Variants in PDIA6 observed in about 807,000 individuals in gnomAD.
PDIA6 encodes the protein protein disulfide isomerase family A member 6, also known as protein disulfide-isomerase A6.
Under a neutral mutation model 58.4 loss-of-function variants are expected in PDIA6, and 29 were observed. That is an observed-to-expected ratio of 0.50 (90% CI 0.37 to 0.68). The LOEUF is 0.68. Ranked by LOEUF, PDIA6 falls within the 30% of genes least tolerant of loss-of-function variation. PDIA6 has a pLI of 0.00. For synonymous variants in PDIA6, 192 were observed against 202.6 expected, an observed-to-expected ratio of 0.95 and a Z score of 0.44; for missense variants, 480 against 551.0, an observed-to-expected ratio of 0.87 and a Z score of 1.29.
chr2:10,819,242 A>C, intron 2 of PDIA6: 1 of 1,327,182 alleles, frequency 7.5e-7, no homozygotes, highest in Non-Finnish European at 1.1e-6. Context: ...GAACAGATGG[A>C]GGCTCCTACT....
upstream of PDIA6, among the ~76,000 whole-genome samples, chr2:10,836,236 C>T (rs114615499): frequency 5.3e-3 from 803 of 152,248 alleles, 11 homozygotes; most frequent in African/African-American, 0.018. Context: ...AATTCAGCCA[C>T]AGATCCCACA....
At chr2:10,831,321 G>A (rs1298352395) in intron 1 of PDIA6, among the ~76,000 whole-genome samples, 1 of 152,202 alleles carries the variant, frequency 6.6e-6, no homozygotes, top group African/African-American at 2.4e-5. Flanking sequence ...TCGGGGAAAC[G>A]CAGGCTGGCT....
At chr2:10,787,642 G>A (rs1305113279) in intron 10 of PDIA6, among the ~76,000 whole-genome samples, 3 of 152,164 alleles carry the variant, frequency 2.0e-5, no homozygotes, top group Non-Finnish European at 2.9e-5. Context: ...ATGTTCTCGC[G>A]TTCTGTAGGC....
intron 1 of PDIA6, 73 bp downstream of exon 1, chr2:10,812,605 G>C (rs866977752): frequency 3.6e-6 from 5 of 1,397,160 alleles, no homozygotes; most frequent in Non-Finnish European, 4.7e-6. Flanking sequence ...GCCCGCCGGG[G>C]AACGGCCTAG....
chr2:10,830,760 G>A (rs1347078710), intron 1 of PDIA6, among the ~76,000 whole-genome samples: 1 of 152,196 alleles, frequency 6.6e-6, no homozygotes, highest in Non-Finnish European at 1.5e-5. Context: ...CACCCCCTGC[G>A]CGGGCGTGGC....
chr2:10,806,046 GA>G (rs1200925354), intron 1 of PDIA6, among the ~76,000 whole-genome samples: 1 of 96,508 alleles, frequency 1.0e-5, no homozygotes, highest in African/African-American at 3.3e-5. Flanking sequence ...AAAAAAAAAC[GA>G]AAAAAACCTT....
At chr2:10,800,568 GGTTTGA>G (rs1558447945) in intron 2 of PDIA6, among the ~76,000 whole-genome samples, 14 of 110,122 alleles carry the variant, frequency 1.3e-4, no homozygotes, top group African/African-American at 3.8e-4. Flanking sequence ...TAAACGTGAA[GGTTTGA>G]TTTTGATTTT....
Position 10,791,860 on chromosome 2 carries a change from ATTC to A in PDIA6, c.516_518del (p.Lys172del). On this transcript the variant is annotated inframe_deletion, in exon 6 of 13. Coordinates refer to ENST00000272227, the MANE Select transcript of PDIA6 (RefSeq NM_005742.4). Reference sequence around the variant, plus strand: ...TCCAAACATCTTCACTGTCCAGAACATTCTTATCAAAGCTGTCGTCTGTCAGCT... The same window carrying A: ...TCCAAACATCTTCACTGTCCAGAACATTATCAAAGCTGTCGTCTGTCAGCT... The A allele has an allele frequency of 6.2e-7, 1 of 1,614,142 alleles. No individual in the cohort carries two copies. The highest frequency in any genetic ancestry group is 2.2e-5 in the East Asian group (1 of 44,870).
chr2:10,820,935 G>A (rs1212137160), intron 1 of PDIA6: 4 of 691,342 alleles, frequency 5.8e-6, no homozygotes, highest in Non-Finnish European at 1.1e-5. Context: ...GTCAGGAAGA[G>A]GAAGCTGCCA....
At chr2:10,819,580 T>G (rs540849492) in intron 1 of PDIA6, among the ~76,000 whole-genome samples, 133 of 152,352 alleles carry the variant, frequency 8.7e-4, no homozygotes, top group African/African-American at 3.0e-3. Flanking sequence ...AACATCCTTC[T>G]TTTGTCTGAA....
At chr2:10,801,455 T>C (rs1312348394) in intron 2 of PDIA6, among the ~76,000 whole-genome samples, 2 of 152,220 alleles carry the variant, frequency 1.3e-5, no homozygotes, top group African/African-American at 2.4e-5. Flanking sequence ...CTATGCCATA[T>C]ATGATAAGCT....
intron 1 of PDIA6, among the ~76,000 whole-genome samples, chr2:10,829,005 C>T (rs924066370): frequency 6.6e-6 from 1 of 152,232 alleles, no homozygotes; most frequent in African/African-American, 2.4e-5. Context: ...ACCCCGTCTT[C>T]AGTGACCCAG....
rs563126262 is a variant in PDIA6, at chr2:10,819,661, C to A, written c.-47-307G>T. Among the ~76,000 whole-genome samples, 3 of 152,350 alleles carry A rather than the reference C, an allele frequency of 2.0e-5. No individual in the cohort carries two copies. In the East Asian group the frequency reaches 5.8e-4, roughly 29 times the overall value. On this transcript the variant is annotated intron_variant, in intron 1 of 13. Coordinates refer to the PDIA6 transcript ENST00000381611. ...CCAGGGCCTTCTGGACACAACATTGCACATTTGTCTTAACTTCATCATTTC... is the reference window on the plus strand; with the variant it reads ...CCAGGGCCTTCTGGACACAACATTGAACATTTGTCTTAACTTCATCATTTC...
At chr2:10,796,301 T>C (rs947699904) in intron 4 of PDIA6, among the ~76,000 whole-genome samples, 2 of 151,884 alleles carry the variant, frequency 1.3e-5, no homozygotes, top group East Asian at 1.9e-4. Context: ...GATCCGCCCG[T>C]CTTGGCCTCC....
intron 4 of PDIA6, 75 bp downstream of exon 4, chr2:10,797,006 C>A: frequency 1.6e-6 from 2 of 1,239,542 alleles, no homozygotes; most frequent in Non-Finnish European, 2.4e-6. Flanking sequence ...GCAGGTAGAG[C>A]AGGTTCTCAA....
At chr2:10,830,073 C>T (rs1307562526) in intron 1 of PDIA6, among the ~76,000 whole-genome samples, 1 of 152,120 alleles carries the variant, frequency 6.6e-6, no homozygotes, top group Non-Finnish European at 1.5e-5. Flanking sequence ...CCATGGCAGC[C>T]CTTCTAGGAA....
chr2:10,787,507 CT>C, intron 10 of PDIA6, 68 bp from the exon 11 acceptor site: 1 of 1,385,198 alleles, frequency 7.2e-7, no homozygotes, highest in Non-Finnish European at 9.9e-7. Flanking sequence ...ACTAGAAGAT[CT>C]TAGAGAACAA....
Position 10,790,721 on chromosome 2 carries a change from C to T in PDIA6, c.697G>A (p.Gly233Arg), listed in dbSNP as rs150615615. 7.3e-5 allele frequency: 117 copies of T among 1,604,778 alleles called. No individual in the cohort carries two copies. The highest frequency in any genetic ancestry group is 9.1e-5 in the Non-Finnish European group (107 of 1,171,528). Residue 233 changes from glycine (G) to arginine (R), a missense_variant and splice_region_variant, in exon 7 of 13, where the codon GGG (glycine) becomes AGG (arginine). Transcript: ENST00000272227. ...ATGAGCCTTATAAGTATACTCACCC[C>T]GTATCGGGAGGCCAGAACCTGATTG... ...TVNQVLASRY[G>R]IRGFPTIKIF...
intron 9 of PDIA6, 36 bp from the exon 10 acceptor site, chr2:10,788,805 A>T (rs763819217): frequency 4.1e-5 from 65 of 1,571,822 alleles, no homozygotes; most frequent in Non-Finnish European, 5.4e-5. Flanking sequence ...AAAGGTAAAG[A>T]TAAAGGAGTC....
Sources: allele counts gnomAD v4.1 joint callset (sites outside exome capture counted in the v4.1 genomes callset), GRCh38; gene constraint gnomAD v4.1.1; transcripts MANE v1.5; gene names NCBI Gene and HGNC (gene_info 2026-07-23, HGNC 2026-07-21).